The following CHN2 variants were observed in gnomAD, a reference collection of about 807,000 sequenced individuals.
CHN2 encodes beta-chimaerin.
Under a neutral mutation model 56.3 loss-of-function variants are expected in CHN2, and 35 were observed. The observed-to-expected ratio is 0.62, with a 90% CI of 0.47 to 0.82. The LOEUF (loss-of-function observed/expected upper bound fraction) is 0.82. Ranked by LOEUF, CHN2 falls within the 40% of genes least tolerant of loss-of-function variation. The pLI, the probability that CHN2 is intolerant of heterozygous loss-of-function variation, is 0.00. For missense variants in CHN2, 491 were observed against 580.5 expected (o/e 0.85, Z 1.58); for synonymous variants, 210 against 212.8 (o/e 0.99, Z 0.12).
intron 1 of CHN2, among the ~76,000 whole-genome samples, chr7:29,316,329 A>G (rs1470114254): frequency 6.6e-6 from 1 of 152,204 alleles, no homozygotes; most frequent in Non-Finnish European, 1.5e-5. Context: ...GATGCCTATA[A>G]ACTTCCATAC....
At chr7:29,434,707 A>G (rs1468127040) in intron 6 of CHN2, among the ~76,000 whole-genome samples, 1 of 152,228 alleles carries the variant, frequency 6.6e-6, no homozygotes, top group East Asian at 1.9e-4. Context: ...AGTCGCAGGT[A>G]CTGGGGTTGA....
intron 1 of CHN2, among the ~76,000 whole-genome samples, chr7:29,284,782 T>C (rs1260521476): frequency 6.6e-6 from 1 of 152,090 alleles, no homozygotes; most frequent in Non-Finnish European, 1.5e-5. Flanking sequence ...AGTGAGTGGG[T>C]GTCGTTTTAA....
intron 1 of CHN2, among the ~76,000 whole-genome samples, chr7:29,227,211 T>C (rs928243408): frequency 6.6e-6 from 1 of 152,230 alleles, no homozygotes; most frequent in Non-Finnish European, 1.5e-5. Flanking sequence ...GGCAGCTTAT[T>C]GAGAAGATGT....
chr7:29,390,487 T>C (rs1801278870), intron 3 of CHN2, among the ~76,000 whole-genome samples: 1 of 152,212 alleles, frequency 6.6e-6, no homozygotes. Context: ...TGTCATGATA[T>C]ATTGCATTTT....
chr7:29,275,266 A>G (rs1791094021), intron 1 of CHN2, among the ~76,000 whole-genome samples: 1 of 152,228 alleles, frequency 6.6e-6, no homozygotes, highest in African/African-American at 2.4e-5. Context: ...TTGTAATATT[A>G]TTGGTGTCTC....
intron 2 of CHN2, among the ~76,000 whole-genome samples, chr7:29,151,336 CT>C (rs534132304): frequency 1.3e-5 from 2 of 152,290 alleles, no homozygotes; most frequent in East Asian, 3.9e-4. Flanking sequence ...GCCTATACTC[CT>C]TTGACGATCC....
chr7:29,201,119 G>A (rs1784129592), intron 1 of CHN2, among the ~76,000 whole-genome samples: 2 of 152,212 alleles, frequency 1.3e-5, no homozygotes, highest in South Asian at 4.1e-4. Flanking sequence ...GTACTGCAGT[G>A]TAAAGTATTA....
At chr7:29,160,776 C>A (rs1408311910) in intron 2 of CHN2, among the ~76,000 whole-genome samples, 1 of 152,138 alleles carries the variant, frequency 6.6e-6, no homozygotes, top group Admixed American at 6.5e-5. Flanking sequence ...CTCTTAATGA[C>A]GTTGATCTAA....
chr7:29,265,691 T>TTTC (rs1239660480), intron 1 of CHN2, among the ~76,000 whole-genome samples: 37 of 151,814 alleles, frequency 2.4e-4, no homozygotes, highest in Non-Finnish European at 2.2e-4. Flanking sequence ...CTCTCTCTGG[T>TTTC]TTCGGAAAGC....
chr7:29,150,221 A>G (rs924999026), intron 2 of CHN2, among the ~76,000 whole-genome samples: 2 of 152,196 alleles, frequency 1.3e-5, no homozygotes, highest in Non-Finnish European at 2.9e-5. Context: ...CTTGCACCTA[A>G]TGACCATAAG....
At chr7:29,237,044 G>A (rs1163223680) in intron 1 of CHN2, among the ~76,000 whole-genome samples, 3 of 152,164 alleles carry the variant, frequency 2.0e-5, no homozygotes, top group African/African-American at 7.2e-5. Context: ...CCATTATTCT[G>A]CCTACCCCAA....
intron 1 of CHN2, among the ~76,000 whole-genome samples, chr7:29,233,782 A>G (rs1786912729): frequency 1.8e-5 from 1 of 56,330 alleles, no homozygotes; most frequent in Non-Finnish European, 3.8e-5. Flanking sequence ...GAAATGGAAA[A>G]TGGATTCTCT....
intron 2 of CHN2, among the ~76,000 whole-genome samples, chr7:29,363,669 A>C (rs1294454891): frequency 6.6e-6 from 1 of 152,220 alleles, no homozygotes; most frequent in East Asian, 1.9e-4. Flanking sequence ...GTTAATGATG[A>C]TGAGTGCTGT....
At chr7:29,472,304 C>A (rs1786165040) in intron 6 of CHN2, among the ~76,000 whole-genome samples, 2 of 152,060 alleles carry the variant, frequency 1.3e-5, no homozygotes, top group Non-Finnish European at 2.9e-5. Context: ...CACACGCACA[C>A]ACACACATTA....
intron 1 of CHN2, among the ~76,000 whole-genome samples, chr7:29,275,358 T>C (rs1287420125): frequency 6.6e-6 from 1 of 152,170 alleles, no homozygotes; most frequent in Admixed American, 6.5e-5. Flanking sequence ...GGTCAAGTCT[T>C]GGAGAAAATG....
intron 1 of CHN2, among the ~76,000 whole-genome samples, chr7:29,317,000 C>G (rs1403774115): frequency 6.6e-6 from 1 of 152,132 alleles, no homozygotes; most frequent in Non-Finnish European, 1.5e-5. Flanking sequence ...ACAAATTGTT[C>G]TTTTGAATTT....
chr7:29,393,746 A>C (rs774641793), intron 4 of CHN2, 36 bp downstream of exon 4: 1 of 684,476 alleles, frequency 1.5e-6, no homozygotes, highest in Non-Finnish European at 2.2e-6. Flanking sequence ...TAATAATTTA[A>C]TAAGTAGTCA....
chr7:29,334,419 C>G (rs745909568), intron 1 of CHN2: 7 of 152,128 alleles, frequency 4.6e-5, no homozygotes, highest in Non-Finnish European at 8.8e-5. Context: ...CACAAAGCCA[C>G]AATGGTGAAA....
At chr7:29,369,064 A>G (rs532103843) in intron 3 of CHN2, among the ~76,000 whole-genome samples, 9 of 152,338 alleles carry the variant, frequency 5.9e-5, no homozygotes, top group African/African-American at 1.4e-4. Context: ...TTGTTATTCA[A>G]TAATCAAATC....
Sources: gnomAD v4.1 joint callset for allele counts (sites outside exome capture counted in the v4.1 genomes callset) on GRCh38, gnomAD v4.1.1 for gene constraint, MANE v1.5 for transcripts, NCBI Gene and HGNC (gene_info 2026-07-23, HGNC 2026-07-21) for gene names.